Variants in SNRPN observed in about 807,000 individuals in gnomAD.
The protein encoded by SNRPN is small nuclear ribonucleoprotein polypeptide N.
SNRPN carries 7 observed loss-of-function variants against 25.2 expected under a neutral mutation model. The observed-to-expected ratio is 0.28, with a 90% CI of 0.16 to 0.52. The LOEUF is 0.52. SNRPN is among the 20% of genes least tolerant of loss of function. SNRPN has a pLI of 0.96. For missense variants in SNRPN, 196 were observed against 322.5 expected (o/e 0.61, Z 3.00); for synonymous variants, 124 against 110.6 (o/e 1.12, Z -0.76).
rs772389635 is a variant in SNRPN, at chr15:24,978,459, A to C, written c.*15A>C. The C allele has an allele frequency of 3.1e-6, 5 of 1,611,514 alleles. No homozygotes were observed. The East Asian group carries it at 6.7e-5, about 22-fold the overall frequency. ...CAAGACCTTAGCATACTGTTGATCC[A>C]TCTCAGTCACTTTTTCCCCTGCAAT... On this transcript the variant is annotated 3_prime_UTR_variant, in exon 10 of 10. Coordinates refer to ENST00000390687, the MANE Select transcript of SNRPN (RefSeq NM_003097.6).
chr15:24,865,512 A>G (rs143110896), intron 1 of SNRPN, among the ~76,000 whole-genome samples: 2 of 152,212 alleles, frequency 1.3e-5, no homozygotes, highest in African/African-American at 4.8e-5. Context: ...TTGTGCAATC[A>G]AGGCTGTAGC....
intron 2 of SNRPN, among the ~76,000 whole-genome samples, chr15:24,906,323 G>A (rs2058801996): frequency 2.0e-5 from 3 of 152,068 alleles, no homozygotes; most frequent in Admixed American, 2.0e-4. Context: ...TGTAGAGATG[G>A]GGTTTTGCCT....
At chr15:24,925,859 A>G (rs1352989552) in intron 3 of SNRPN, among the ~76,000 whole-genome samples, 3 of 151,872 alleles carry the variant, frequency 2.0e-5, no homozygotes, top group African/African-American at 7.3e-5. Flanking sequence ...CTCTGGCCTC[A>G]GCCTCCCGAG....
intron 1 of SNRPN, among the ~76,000 whole-genome samples, chr15:24,861,588 T>C (rs1196275517): frequency 1.3e-5 from 2 of 152,154 alleles, no homozygotes; most frequent in Non-Finnish European, 2.9e-5. Context: ...CTACACTTAA[T>C]TTATTAAAAA....
intron 2 of SNRPN, among the ~76,000 whole-genome samples, chr15:24,900,316 T>C (rs1375278357): frequency 6.6e-6 from 1 of 152,170 alleles, no homozygotes; most frequent in Non-Finnish European, 1.5e-5. Flanking sequence ...GCAGGGCTGA[T>C]ATTGTTAAAT....
intron 2 of SNRPN, among the ~76,000 whole-genome samples, chr15:24,830,120 C>G (rs949104539): frequency 1.3e-5 from 2 of 152,064 alleles, no homozygotes; most frequent in East Asian, 3.8e-4. Context: ...TGTATTTTGA[C>G]TTTATTCTTT....
upstream of SNRPN, chr15:24,954,825 G>A (rs2062567864): frequency 3.2e-6 from 2 of 618,876 alleles, no homozygotes; most frequent in African/African-American, 1.8e-5. Context: ...GGGGCCCTAG[G>A]GGTCCAGTAG....
intron 2 of SNRPN, among the ~76,000 whole-genome samples, chr15:24,890,906 A>T (rs2057614994): frequency 6.6e-6 from 1 of 152,158 alleles, no homozygotes; most frequent in Non-Finnish European, 1.5e-5. Flanking sequence ...CCATTTTTAA[A>T]ATTATTATTA....
intron 1 of SNRPN, among the ~76,000 whole-genome samples, chr15:24,959,425 A>G (rs1179719098): frequency 6.6e-6 from 1 of 152,166 alleles, no homozygotes; most frequent in Non-Finnish European, 1.5e-5. Flanking sequence ...CTGGGAGTTC[A>G]AGCTTGGGTA....
At chr15:24,834,071 G>A (rs973444646) in intron 2 of SNRPN, among the ~76,000 whole-genome samples, 4 of 152,110 alleles carry the variant, frequency 2.6e-5, no homozygotes, top group Admixed American at 6.5e-5. Flanking sequence ...GATTACAGGC[G>A]CCTGCCACCA....
intron 1 of SNRPN, among the ~76,000 whole-genome samples, chr15:24,876,900 A>T (rs908766641): frequency 6.6e-6 from 1 of 152,186 alleles, no homozygotes; most frequent in Non-Finnish European, 1.5e-5. Flanking sequence ...CACTTGAAGG[A>T]AGCTAGAAAT....
intron 2 of SNRPN, among the ~76,000 whole-genome samples, chr15:24,832,015 A>T (rs1389132483): frequency 6.6e-6 from 1 of 151,894 alleles, no homozygotes; most frequent in Non-Finnish European, 1.5e-5. Context: ...ATATATACCC[A>T]GTAATAAGAC....
intron 2 of SNRPN, among the ~76,000 whole-genome samples, chr15:24,906,017 T>G (rs2058777836): frequency 6.6e-6 from 1 of 152,210 alleles, no homozygotes; most frequent in Non-Finnish European, 1.5e-5. Context: ...AAAGACATAT[T>G]AATAAGAAAA....
chr15:24,920,395 C>G (rs1022824695), intron 3 of SNRPN: 4 of 152,170 alleles, frequency 2.6e-5, no homozygotes, highest in Non-Finnish European at 4.4e-5. Flanking sequence ...CATTTCCCCA[C>G]TTGAGTGTGC....
At chr15:24,931,153 T>G (rs560157121) in intron 3 of SNRPN, among the ~76,000 whole-genome samples, 2 of 152,338 alleles carry the variant, frequency 1.3e-5, no homozygotes, top group African/African-American at 4.8e-5. Flanking sequence ...ATTTGATTAC[T>G]AGGAACTTTG....
chr15:24,848,218 G>A (rs765406483), intron 2 of SNRPN: 2 of 139,010 alleles, frequency 1.4e-5, no homozygotes, highest in Non-Finnish European at 3.1e-5. Context: ...GAGCTGGGGG[G>A]CGGGGGCGGC....
chr15:24,827,422 G>T (rs1448637024), intron 1 of SNRPN, among the ~76,000 whole-genome samples: 1 of 150,720 alleles, frequency 6.6e-6, no homozygotes, highest in Admixed American at 6.6e-5. Context: ...AGGCTGAGGC[G>T]GGAGAATGGG....
upstream of SNRPN, among the ~76,000 whole-genome samples, chr15:24,952,193 CAAGTGACTT>C (rs1256517901): frequency 1.4e-4 from 22 of 151,820 alleles, no homozygotes; most frequent in Non-Finnish European, 7.4e-5. Flanking sequence ...TGTTCTATAA[CAAGTGACTT>C]ATATTTTATT....
At chr15:24,922,634 G>GT (rs2152609114) in intron 3 of SNRPN, among the ~76,000 whole-genome samples, 1 of 152,116 alleles carries the variant, frequency 6.6e-6, no homozygotes, top group Non-Finnish European at 1.5e-5. Flanking sequence ...ATCTTACGTA[G>GT]TTTTGTTTAT....
Sources: allele counts gnomAD v4.1 joint callset (sites outside exome capture counted in the v4.1 genomes callset), GRCh38; gene constraint gnomAD v4.1.1; transcripts MANE v1.5; gene names NCBI Gene and HGNC (gene_info 2026-07-23, HGNC 2026-07-21).